The following ST6GALNAC3 variants were observed in gnomAD, a reference collection of about 807,000 sequenced individuals.
The protein encoded by ST6GALNAC3 is ST6 N-acetylgalactosaminide alpha-2,6-sialyltransferase 3.
Under a neutral mutation model 32.7 loss-of-function variants are expected in ST6GALNAC3, and 25 were observed. The observed-to-expected ratio is 0.76, with a 90% CI of 0.56 to 1.07. The LOEUF (loss-of-function observed/expected upper bound fraction) is 1.07, where lower values mean the gene tolerates loss of function less well. ST6GALNAC3 is among the 50% of genes least tolerant of loss of function. ST6GALNAC3 has a pLI of 0.00. For missense variants in ST6GALNAC3, 355 were observed against 382.4 expected (o/e 0.93, Z 0.60); for synonymous variants, 129 against 133.1 (o/e 0.97, Z 0.21).
chr1:76,526,409 G>A (rs1330257101), intron 3 of ST6GALNAC3, among the ~76,000 whole-genome samples: 1 of 152,062 alleles, frequency 6.6e-6, no homozygotes, highest in Non-Finnish European at 1.5e-5. Context: ...AGATATTCAT[G>A]CCTGAAGCTC....
At chr1:76,425,604 C>T (rs1342246005) in intron 3 of ST6GALNAC3, among the ~76,000 whole-genome samples, 3 of 151,900 alleles carry the variant, frequency 2.0e-5, no homozygotes, top group East Asian at 1.9e-4. Context: ...TTCTGACATT[C>T]ATTGGCAAGT....
intron 3 of ST6GALNAC3, among the ~76,000 whole-genome samples, chr1:76,518,910 CA>C (rs1189389551): frequency 6.6e-6 from 1 of 151,810 alleles, no homozygotes; most frequent in Non-Finnish European, 1.5e-5. Context: ...ACTAAAAATA[CA>C]AAAAAATTAG....
At chr1:76,159,659 A>G (rs951721134) in intron 1 of ST6GALNAC3, among the ~76,000 whole-genome samples, 4 of 152,248 alleles carry the variant, frequency 2.6e-5, no homozygotes, top group Admixed American at 6.5e-5. Context: ...GATGAGACCC[A>G]TTAAGGTCTG....
At chr1:76,195,053 A>G (rs1408216401) in intron 1 of ST6GALNAC3, among the ~76,000 whole-genome samples, 1 of 152,208 alleles carries the variant, frequency 6.6e-6, no homozygotes, top group Non-Finnish European at 1.5e-5. Flanking sequence ...CCACTCAAAT[A>G]TCTCATCAGA....
intron 3 of ST6GALNAC3, among the ~76,000 whole-genome samples, chr1:76,612,096 T>C (rs751404961): frequency 1.8e-3 from 275 of 152,330 alleles, no homozygotes; most frequent in Non-Finnish European, 1.2e-3. Flanking sequence ...CATGTTTTTC[T>C]TTTTTTATTT....
intron 1 of ST6GALNAC3, among the ~76,000 whole-genome samples, chr1:76,162,789 AG>A (rs1209805361): frequency 6.6e-6 from 1 of 152,198 alleles, no homozygotes; most frequent in Non-Finnish European, 1.5e-5. Flanking sequence ...GCAGTTAGCA[AG>A]GGGGCCCAGC....
intron 1 of ST6GALNAC3, among the ~76,000 whole-genome samples, chr1:76,238,419 G>A (rs1406108347): frequency 6.6e-6 from 1 of 152,212 alleles, no homozygotes; most frequent in Non-Finnish European, 1.5e-5. Context: ...TACCAGGCAG[G>A]CCATTACGGG....
chr1:76,112,381 C>A (rs1333191938), intron 1 of ST6GALNAC3, among the ~76,000 whole-genome samples: 2 of 144,080 alleles, frequency 1.4e-5, no homozygotes, highest in South Asian at 2.2e-4. Context: ...CTGACCCCCC[C>A]ACCTCCTTCC....
intron 3 of ST6GALNAC3, among the ~76,000 whole-genome samples, chr1:76,477,396 G>A (rs548670855): frequency 6.6e-6 from 1 of 152,286 alleles, no homozygotes; most frequent in East Asian, 1.9e-4. Context: ...GCCCTAAACA[G>A]GTCTTCTGTG....
Position 76,228,709 on chromosome 1 carries a change from T to C in ST6GALNAC3, c.19-85096T>C, listed in dbSNP as rs545364218. Among the ~76,000 whole-genome samples, 8 of 152,344 alleles carry C rather than the reference T, an allele frequency of 5.3e-5. No individual in the cohort carries two copies. In the East Asian group the frequency reaches 1.5e-3, roughly 29 times the overall value. The stretch of plus-strand genomic sequence containing the variant: ...TTACTTTCAGGAAAAATGTTATCGC[T>C]GTAAATGAGTTGTACTTTCTTCTGT... On this transcript the variant is annotated intron_variant, in intron 1 of 4. Coordinates refer to ENST00000328299, the MANE Select transcript of ST6GALNAC3 (RefSeq NM_152996.4).
At chr1:76,472,600 G>A (rs984278521) in intron 3 of ST6GALNAC3, among the ~76,000 whole-genome samples, 4 of 152,124 alleles carry the variant, frequency 2.6e-5, no homozygotes, top group African/African-American at 4.8e-5. Context: ...TTACCAAAGC[G>A]CTCACTCTCC....
At chr1:76,533,280 G>T (rs143193273) in intron 3 of ST6GALNAC3, among the ~76,000 whole-genome samples, 10 of 152,248 alleles carry the variant, frequency 6.6e-5, no homozygotes, top group East Asian at 5.8e-4. Flanking sequence ...CATCCTCATG[G>T]CACTGTCGTG....
At chr1:76,174,346 A>G (rs1652711905) in intron 1 of ST6GALNAC3, among the ~76,000 whole-genome samples, 1 of 151,990 alleles carries the variant, frequency 6.6e-6, no homozygotes, top group Non-Finnish European at 1.5e-5. Context: ...GGGAACTTAC[A>G]GGATAGGTCA....
At chr1:76,585,814 A>C (rs998838912) in intron 3 of ST6GALNAC3, among the ~76,000 whole-genome samples, 1 of 152,114 alleles carries the variant, frequency 6.6e-6, no homozygotes, top group Non-Finnish European at 1.5e-5. Context: ...GTGGATTTTT[A>C]TTTTACTTAT....
chr1:76,228,393 T>C (rs1341826490), intron 1 of ST6GALNAC3, among the ~76,000 whole-genome samples: 2 of 152,228 alleles, frequency 1.3e-5, no homozygotes, highest in Admixed American at 6.5e-5. Context: ...ACAAATCTGA[T>C]TCTTTTCCTT....
rs914705740 is a variant in ST6GALNAC3 at position 76,630,429 on chromosome 1, G to A, written c.*1623G>A. On this transcript the variant is annotated 3_prime_UTR_variant, in exon 5 of 5. Transcript: ENST00000328299. ...ATATAGTTTCCTTTCCTAGGATTGA[G>A]ACAATTCTATTTTTCATATACTCGT... is the stretch of plus-strand genomic sequence containing the variant. 5.1e-6 allele frequency: 5 copies of A among 985,022 alleles called. No individual in the cohort carries two copies. Among genetic ancestry groups the A allele is most frequent in the African/African-American group, 1.7e-5 (1 of 57,170 alleles). The allele number at this position is 985,022 out of a possible 1,614,324, so 61.0% of individuals were successfully genotyped here. A position where few individuals can be genotyped will look rare whatever the true frequency, so the allele number is the denominator to read the frequency against.
chr1:76,141,175 A>G (rs1022658849), intron 1 of ST6GALNAC3, among the ~76,000 whole-genome samples: 4 of 152,114 alleles, frequency 2.6e-5, no homozygotes, highest in African/African-American at 9.7e-5. Flanking sequence ...GGATATTTTT[A>G]TTAGCCAGCA....
At chr1:76,154,296 C>T (rs1651247392) in intron 1 of ST6GALNAC3, among the ~76,000 whole-genome samples, 1 of 152,114 alleles carries the variant, frequency 6.6e-6, no homozygotes, top group African/African-American at 2.4e-5. Context: ...GGCCCTTTCT[C>T]CCCCACGAGA....
At chr1:76,517,017 A>G (rs1201581534) in intron 3 of ST6GALNAC3, among the ~76,000 whole-genome samples, 2 of 151,926 alleles carry the variant, frequency 1.3e-5, no homozygotes, top group African/African-American at 4.8e-5. Context: ...TTTAAATTTG[A>G]TATCTGGTGA....
Sources: gnomAD v4.1 joint callset for allele counts (sites outside exome capture counted in the v4.1 genomes callset) on GRCh38, gnomAD v4.1.1 for gene constraint, MANE v1.5 for transcripts, NCBI Gene and HGNC (gene_info 2026-07-23, HGNC 2026-07-21) for gene names.